The following SPG7 variants were observed in gnomAD, a reference collection of about 807,000 sequenced individuals.
SPG7 encodes SPG7 matrix AAA peptidase subunit, paraplegin.
Under a neutral mutation model 81.9 loss-of-function variants are expected in SPG7, and 103 were observed. That is an observed-to-expected ratio of 1.26 (90% CI 1.07 to 1.48). The LOEUF (loss-of-function observed/expected upper bound fraction) is 1.48, where lower values mean the gene tolerates loss of function less well. Ranked by LOEUF, SPG7 falls within the 40% of genes most tolerant of loss-of-function variation. SPG7 has a pLI of 0.00. For missense variants in SPG7, 1,241 were observed against 1,087.3 expected (o/e 1.14, Z -1.99); for synonymous variants, 534 against 444.2 (o/e 1.20, Z -2.54).
rs2057958357 is a variant in SPG7 at position 89,508,428 on chromosome 16, T to G, written c.11T>G (p.Leu4Arg). The change falls in exon 1 of 17, where the codon CTG becomes CGG. Residue 4 changes from leucine (L) to arginine (R), a missense_variant. Physicochemically the swap from Leu to Arg is moderately radical, Grantham distance 102. Coordinates refer to ENST00000645818, the MANE Select transcript of SPG7 (RefSeq NM_003119.4). Reference sequence around the variant, plus strand: ...GGCTTTCAGGCCAACATGGCCGTGCTGCTGCTGCTGCTCCGTGCCCTCCGC... The same window carrying G: ...GGCTTTCAGGCCAACATGGCCGTGCGGCTGCTGCTGCTCCGTGCCCTCCGC... MAV[L>R]LLLLRALRRG... 2 of 1,491,952 alleles carry G rather than the reference T, an allele frequency of 1.3e-6. No homozygotes were observed. The highest frequency in any genetic ancestry group is 2.9e-5 in the African/African-American group (2 of 68,472). The allele number at this position is 1,491,952 out of a possible 1,614,324, so 92.4% of individuals were successfully genotyped here.
At chr16:89,539,450 G>A (rs2058469312) in intron 9 of SPG7, 1 of 152,436 alleles carries the variant, frequency 6.6e-6, no homozygotes, top group African/African-American at 2.4e-5. Flanking sequence ...AGTGAGCCAA[G>A]ATCGCACCAT....
rs367982822 is a variant in SPG7, at chr16:89,512,989, A to G, written c.328A>G (p.Asn110Asp). 2 of 1,613,164 alleles carry G rather than the reference A, an allele frequency of 1.2e-6. No individual in the cohort carries two copies. Among genetic ancestry groups the G allele is most frequent in the African/African-American group, 2.7e-5 (2 of 74,900 alleles). The change falls in exon 3 of 17, where the codon AAT (asparagine) becomes GAT (aspartate). Residue 110 changes from asparagine (N) to aspartate (D), a missense_variant. Physicochemically the swap from Asn to Asp is conservative, Grantham distance 23 (BLOSUM62 1). Transcript: ENST00000645818. Reference protein sequence around the residue: ...YFNTSRLKQKNKEKDKSKGKA... With the variant: ...YFNTSRLKQKDKEKDKSKGKA... Reference sequence around the variant, plus strand: ...TAACACCTCAAGGTTGAAGCAGAAGAATAAGGAGAAGGATAAGTCGAAGGG... The same window carrying G: ...TAACACCTCAAGGTTGAAGCAGAAGGATAAGGAGAAGGATAAGTCGAAGGG...
intron 6 of SPG7, chr16:89,529,796 G>A (rs1013814342): frequency 4.2e-5 from 26 of 612,450 alleles, no homozygotes; most frequent in South Asian, 4.0e-4. Flanking sequence ...TAACTCTGGG[G>A]TGCCTGAGCC....
At chr16:89,533,866 G>A (rs1037780763) in intron 9 of SPG7, 3 of 152,074 alleles carry the variant, frequency 2.0e-5, no homozygotes, top group African/African-American at 4.8e-5. Flanking sequence ...AGGCTTGGTG[G>A]TGCAGGCCTG....
intron 3 of SPG7, among the ~76,000 whole-genome samples, chr16:89,513,704 A>G (rs1480822524): frequency 6.6e-6 from 1 of 152,060 alleles, no homozygotes; most frequent in East Asian, 1.9e-4. Flanking sequence ...GGTTGAACTC[A>G]GCTTCAGGAA....
chr16:89,522,914 C>CG (rs2058208522), intron 3 of SPG7: 1 of 152,608 alleles, frequency 6.6e-6, no homozygotes, highest in East Asian at 1.9e-4. Flanking sequence ...CTGCTTGCCA[C>CG]GCCTCCTTGC....
Position 89,536,767 on chromosome 16 carries a change from G to A in SPG7, c.1324+4131G>A. On this transcript the variant is annotated intron_variant, in intron 9 of 16. Coordinates refer to ENST00000645818, the MANE Select transcript of SPG7 (RefSeq NM_003119.4). Reference sequence around the variant, plus strand: ...CTGCGGCCTTCTTCTCCAACCAGGTGCCTCTCTTGACCAGCTACCCTCCCA... The same window carrying A: ...CTGCGGCCTTCTTCTCCAACCAGGTACCTCTCTTGACCAGCTACCCTCCCA... 1.9e-6 allele frequency: 3 copies of A among 1,613,988 alleles called. No homozygotes were observed. The South Asian group carries it at 3.3e-5, about 18-fold the overall frequency.
intron 3 of SPG7, 125 bp downstream of exon 3, chr16:89,513,162 C>G: frequency 2.1e-6 from 3 of 1,400,876 alleles, no homozygotes; most frequent in South Asian, 1.2e-5. Flanking sequence ...GTGGCTCACA[C>G]TTGTAATCGA....
At chr16:89,551,138 G>C (rs980989993) in intron 13 of SPG7, 1 of 194,556 alleles carries the variant, frequency 5.1e-6, no homozygotes, top group Non-Finnish European at 1.1e-5. Flanking sequence ...ACCAAATGGT[G>C]ATGTTACAGC....
intron 6 of SPG7, 141 bp downstream of exon 6, chr16:89,529,720 C>T (rs111745245): frequency 1.2e-5 from 9 of 720,522 alleles, no homozygotes; most frequent in African/African-American, 7.0e-5. Context: ...AGCAGCTCAC[C>T]TTCCTTTCCC....
chr16:89,526,501 A>G (rs990728705), intron 5 of SPG7, 33 bp downstream of exon 5: 6 of 1,613,610 alleles, frequency 3.7e-6, no homozygotes, highest in Non-Finnish European at 5.1e-6. Flanking sequence ...TGCTTGAACT[A>G]AACCTAACTT....
At chr16:89,556,102 G>A in intron 16 of SPG7, 1 of 398,846 alleles carries the variant, frequency 2.5e-6, no homozygotes, top group Non-Finnish European at 4.4e-6. Flanking sequence ...CTTCTCACTG[G>A]CTGAGGAGTG....
At chr16:89,527,600 C>G (rs1324726122) in intron 5 of SPG7, among the ~76,000 whole-genome samples, 3 of 152,136 alleles carry the variant, frequency 2.0e-5, no homozygotes, top group Admixed American at 2.0e-4. Flanking sequence ...AAAGGGTAGA[C>G]ACAGGAAGGT....
At chr16:89,530,626 C>G in intron 6 of SPG7, 57 bp from the exon 7 acceptor site, 1 of 1,611,688 alleles carries the variant, frequency 6.2e-7, no homozygotes, top group Non-Finnish European at 8.5e-7. Context: ...GCGCTGGCAT[C>G]GTGCTGCTGA....
chr16:89,532,206 G>A, intron 8 of SPG7, 140 bp downstream of exon 8: 2 of 1,019,220 alleles, frequency 2.0e-6, no homozygotes, highest in South Asian at 1.5e-5. Context: ...TGGGTTGGCG[G>A]AGGGGTTTTG....
chr16:89,546,573 C>T (rs889450770), intron 10 of SPG7, 85 bp from the exon 11 acceptor site: 4 of 159,864 alleles, frequency 2.5e-5, no homozygotes, highest in South Asian at 8.8e-5. Context: ...ACTTGGGGAC[C>T]CCCCCCCCCC....
chr16:89,514,088 G>A (rs1054784046), intron 3 of SPG7, among the ~76,000 whole-genome samples: 3 of 152,110 alleles, frequency 2.0e-5, no homozygotes, highest in Admixed American at 6.6e-5. Flanking sequence ...TCATAACTGC[G>A]GGAAGGGACA....
At position 89,532,653 on chromosome 16, in the gene SPG7, C is replaced by A; in HGVS notation, c.1324+17C>A. ...AAATGGATGGTCAGTGCTCGTGCGCCCCGCACCCCCATTGCACCATCAGAG... is the reference window on the plus strand; with the variant it reads ...AAATGGATGGTCAGTGCTCGTGCGCACCGCACCCCCATTGCACCATCAGAG... On this transcript the variant is annotated intron_variant, in intron 9 of 16. Transcript: ENST00000645818. The A allele has an allele frequency of 8.7e-6, 14 of 1,612,764 alleles. No individual in the cohort carries two copies. Among genetic ancestry groups the A allele is most frequent in the Non-Finnish European group, 1.2e-5 (14 of 1,179,972 alleles).
At position 89,512,992 on chromosome 16, in the gene SPG7, A is replaced by C. The variant is rs1239421989; in HGVS notation, c.331A>C (p.Lys111Gln). 1 of 1,613,016 alleles carries C rather than the reference A, an allele frequency of 6.2e-7. No individual in the cohort carries two copies. Among genetic ancestry groups the C allele is most frequent in the Admixed American group, 1.7e-5 (1 of 59,992 alleles). Residue 111 changes from lysine (K) to glutamine (Q), a missense_variant, in exon 3 of 17, where the codon AAG becomes CAG. Lys to Gln is a moderately conservative substitution (Grantham distance 53). Coordinates refer to ENST00000645818, the MANE Select transcript of SPG7 (RefSeq NM_003119.4). ...FNTSRLKQKN[K>Q]EKDKSKGKAP... is the part of the protein sequence containing the mutation. Reference sequence around the variant, plus strand: ...CACCTCAAGGTTGAAGCAGAAGAATAAGGAGAAGGATAAGTCGAAGGGGAA... The same window carrying C: ...CACCTCAAGGTTGAAGCAGAAGAATCAGGAGAAGGATAAGTCGAAGGGGAA...
Sources: gnomAD v4.1 joint callset for allele counts (sites outside exome capture counted in the v4.1 genomes callset) on GRCh38, gnomAD v4.1.1 for gene constraint, MANE v1.5 for transcripts, NCBI Gene and HGNC (gene_info 2026-07-23, HGNC 2026-07-21) for gene names.